Variants in TRIB2 observed in about 807,000 individuals in gnomAD.
TRIB2 encodes the protein tribbles pseudokinase 2.
A neutral mutation model predicts 26.8 loss-of-function variants in TRIB2; 2 were observed. The observed-to-expected ratio is 0.07, with a 90% CI of 0.03 to 0.24. The LOEUF (loss-of-function observed/expected upper bound fraction) is 0.24. Among genes scored for constraint, TRIB2 ranks in the 10% least tolerant of loss-of-function variants. The probability of loss-of-function intolerance (pLI) is 1.00; values close to 1 mark genes in which losing one functional copy is unlikely to be tolerated. For synonymous variants in TRIB2, 189 were observed against 187.3 expected (o/e 1.01, Z -0.08); for missense variants, 306 against 449.0 (o/e 0.68, Z 2.88).
rs1666612460 is a variant in TRIB2 at position 12,717,321 on chromosome 2, C to T, written c.-987C>T. 2.5e-6 allele frequency: 1 copy of T among 398,384 alleles called. No homozygotes were observed. Among genetic ancestry groups the T allele is most frequent in the Admixed American group, 4.4e-5 (1 of 22,712 alleles). 24.7% of individuals were successfully genotyped at this position (398,384 alleles called of 1,614,324 possible). ...CGCGTTGGAAGGGCCAGGGACGCAG[C>T]TCCCCTTGCAGCGCCCGCAGGACCC... is the stretch of plus-strand genomic sequence containing the variant. On this transcript the variant is annotated 5_prime_UTR_variant, in exon 1 of 3. Transcript: ENST00000155926. This position sits in a 1 kb window ranked among gnomAD's most constrained non-coding sequence, Gnocchi z 4.8.
At chr2:12,723,137 G>T in intron 1 of TRIB2, 123 bp from the exon 2 acceptor site, 1 of 1,118,458 alleles carries the variant, frequency 8.9e-7, no homozygotes, top group Non-Finnish European at 1.3e-6. Flanking sequence ...ATGTGGTCTG[G>T]GTCCAAGTTC....
chr2:12,721,635 C>T (rs561448897), intron 1 of TRIB2, among the ~76,000 whole-genome samples: 2 of 152,290 alleles, frequency 1.3e-5, no homozygotes, highest in East Asian at 3.9e-4. Flanking sequence ...GATTTGTGGT[C>T]TCTGGAGATG....
Position 12,718,463 on chromosome 2 carries a change from G to A in TRIB2, c.156G>A (p.Pro52=), listed in dbSNP as rs773634877. 8 of 1,614,234 alleles carry A rather than the reference G, an allele frequency of 5.0e-6. No individual in the cohort carries two copies. Among genetic ancestry groups the A allele is most frequent in the East Asian group, 2.2e-5 (1 of 44,874 alleles). The change falls in exon 1 of 3, where the codon CCG becomes CCA. Residue 52 remains proline (P), a synonymous_variant. Coordinates refer to ENST00000155926, the MANE Select transcript of TRIB2 (RefSeq NM_021643.4). The surrounding 1 kb of genome is among the most constrained non-coding windows in gnomAD (Gnocchi z 4.0). ...GCTCCCCGAGCCCGCCCGAGACTCC[G>A]AACTTGTCGCATTGCGTTTCTTGTA... ...NLGSPSPPET[P]NLSHCVSCIG...
chr2:12,720,430 T>A (rs1368931635), intron 1 of TRIB2, among the ~76,000 whole-genome samples: 4 of 152,262 alleles, frequency 2.6e-5, no homozygotes, highest in Non-Finnish European at 4.4e-5. Flanking sequence ...TCTGTTTTCC[T>A]GACTTTTTAC....
intron 2 of TRIB2, among the ~76,000 whole-genome samples, chr2:12,725,345 G>A (rs1321661219): frequency 1.3e-5 from 2 of 152,344 alleles, no homozygotes; most frequent in Middle Eastern, 3.4e-3. Flanking sequence ...CATAGAACAT[G>A]GGAACAAAAG....
chr2:12,723,039 A>C (rs546637194), intron 1 of TRIB2, among the ~76,000 whole-genome samples: 15 of 152,274 alleles, frequency 9.9e-5, no homozygotes, highest in Admixed American at 5.2e-4. Context: ...GTCAAGTATC[A>C]GTTTCCCATG....
intron 2 of TRIB2, among the ~76,000 whole-genome samples, chr2:12,729,961 G>C (rs973428858): frequency 6.6e-5 from 10 of 152,168 alleles, no homozygotes; most frequent in Non-Finnish European, 1.5e-4. Flanking sequence ...CGTCATTATT[G>C]CTATTGGGCA....
intron 2 of TRIB2, among the ~76,000 whole-genome samples, chr2:12,731,908 C>T (rs1448768063): frequency 6.6e-6 from 1 of 152,216 alleles, no homozygotes; most frequent in Non-Finnish European, 1.5e-5. Context: ...CTGGCCAGCA[C>T]TGAGCCTGCG....
chr2:12,723,864 T>C (rs944501709), intron 2 of TRIB2, among the ~76,000 whole-genome samples: 1 of 152,178 alleles, frequency 6.6e-6, no homozygotes, highest in Non-Finnish European at 1.5e-5. Context: ...TCAATGCCAG[T>C]AAAGGCAGGG....
At chr2:12,719,599 T>G (rs900195867) in intron 1 of TRIB2, among the ~76,000 whole-genome samples, 188 of 118,460 alleles carry the variant, frequency 1.6e-3, no homozygotes, top group African/African-American at 6.0e-3. Context: ...TTTGAGGGGG[T>G]AAGGGGAGAG....
At chr2:12,735,543 T>C (rs937308167) in intron 2 of TRIB2, among the ~76,000 whole-genome samples, 2 of 152,202 alleles carry the variant, frequency 1.3e-5, no homozygotes, top group African/African-American at 4.8e-5. Flanking sequence ...ACTCAGACTC[T>C]CTGAGCATTA....
At chr2:12,730,009 G>A (rs984142699) in intron 2 of TRIB2, among the ~76,000 whole-genome samples, 6 of 152,054 alleles carry the variant, frequency 3.9e-5, no homozygotes, top group Non-Finnish European at 5.9e-5. Context: ...CCAACAGCCC[G>A]GAGATTCAAT....
At chr2:12,735,611 A>T (rs1337372743) in intron 2 of TRIB2, among the ~76,000 whole-genome samples, 2 of 152,130 alleles carry the variant, frequency 1.3e-5, no homozygotes, top group Admixed American at 1.3e-4. Flanking sequence ...GGATCTCCTA[A>T]ACTTTAAAGA....
intron 2 of TRIB2, among the ~76,000 whole-genome samples, chr2:12,730,845 A>G (rs1349518802): frequency 6.6e-6 from 1 of 152,016 alleles, no homozygotes; most frequent in East Asian, 1.9e-4. Flanking sequence ...TCTACTCAAT[A>G]CTCTTGGGAG....
At chr2:12,736,888 T>C (rs1271900806) in intron 2 of TRIB2, among the ~76,000 whole-genome samples, 2 of 152,150 alleles carry the variant, frequency 1.3e-5, no homozygotes, top group Non-Finnish European at 2.9e-5. Flanking sequence ...TGCTCCGTAA[T>C]GTAGGATGGA....
At chr2:12,722,119 A>T (rs1252528013) in intron 1 of TRIB2, among the ~76,000 whole-genome samples, 1 of 152,218 alleles carries the variant, frequency 6.6e-6, no homozygotes, top group East Asian at 1.9e-4. Context: ...GGCCAGGATT[A>T]GTGCCTCAAG....
At chr2:12,728,270 TACCTAGC>T (rs1661376212) in intron 2 of TRIB2, among the ~76,000 whole-genome samples, 1 of 151,618 alleles carries the variant, frequency 6.6e-6, no homozygotes, top group African/African-American at 2.4e-5. Flanking sequence ...CGGGAGCTCC[TACCTAGC>T]ACACAGTCAG....
rs1459093947 is a variant in TRIB2, at chr2:12,732,164, G to T, written c.564-8162G>T. ...GCATGGGGGCGTGGGAAGGTGTTCG[G>T]GTACAATGAGACTCCCCTGTTCATC... On this transcript the variant is annotated intron_variant, in intron 2 of 2. Coordinates refer to ENST00000155926, the MANE Select transcript of TRIB2 (RefSeq NM_021643.4). The surrounding 1 kb of genome is among the most constrained non-coding windows in gnomAD (Gnocchi z 4.2). Among the ~76,000 whole-genome samples, 1 of 152,144 alleles carries T rather than the reference G, an allele frequency of 6.6e-6. No homozygotes were observed. The highest frequency in any genetic ancestry group is 1.5e-5 in the Non-Finnish European group (1 of 68,028).
rs74429569 is a variant in TRIB2 at position 12,717,170 on chromosome 2, C to G, written c.-1138C>G. The G allele has an allele frequency of 0.021, 8,217 of 392,116 alleles. 580 individuals are homozygous for G. Among genetic ancestry groups the G allele is most frequent in the African/African-American group, 0.16 (7,546 of 48,514 alleles). 24.3% of individuals were successfully genotyped at this position (392,116 alleles called of 1,614,324 possible). A position where few individuals can be genotyped will look rare whatever the true frequency, so the allele number is the denominator to read the frequency against. On this transcript the variant is annotated 5_prime_UTR_variant, in exon 1 of 3. Transcript: ENST00000155926. This position sits in a 1 kb window ranked among gnomAD's most constrained non-coding sequence, Gnocchi z 4.8. ...GAAATCAAAGAAGGAGGAGACAAGC[C>G]GTCAATTTTCTCCAAAACAAACCCC...
Sources: allele counts gnomAD v4.1 joint callset (sites outside exome capture counted in the v4.1 genomes callset), GRCh38; gene constraint gnomAD v4.1.1; non-coding constraint Gnocchi (gnomAD v3.1); transcripts MANE v1.5; gene names NCBI Gene and HGNC (gene_info 2026-07-23, HGNC 2026-07-21).